NR3C2: variants seen among roughly 807,000 people sequenced by gnomAD.
NR3C2 encodes the protein mineralocorticoid receptor.
In NR3C2, 15 loss-of-function variants were observed where a neutral mutation model predicts 86.4. That is an observed-to-expected ratio of 0.17 (90% confidence interval 0.12 to 0.27). The LOEUF is 0.27. Ranked by LOEUF, NR3C2 falls within the 10% of genes least tolerant of loss-of-function variation. The pLI is 1.00. For missense variants in NR3C2, 960 were observed against 1,195.6 expected, an observed-to-expected ratio of 0.80 and a Z score of 2.91; for synonymous variants, 458 against 450.5, an observed-to-expected ratio of 1.02 and a Z score of -0.21.
Position 148,078,873 on chromosome 4 carries a change from C to T in NR3C2, c.*2471G>A, listed in dbSNP as rs2871. On this transcript the variant is annotated 3_prime_UTR_variant, in exon 9 of 9. Coordinates refer to ENST00000358102, the MANE Select transcript of NR3C2 (RefSeq NM_000901.5). ...TTCATTTTAAACTAATTTAGTGTTTCTTTAAATTATATGAACTTTTGGTGA... is the reference window on the plus strand; with the variant it reads ...TTCATTTTAAACTAATTTAGTGTTTTTTTAAATTATATGAACTTTTGGTGA... 103,338 of 152,572 alleles carry T rather than the reference C, an allele frequency of 0.68. 35,183 individuals are homozygous for T. The highest frequency in any genetic ancestry group is 0.83 in the East Asian group (4,288 of 5,182). 9.5% of individuals were successfully genotyped at this position (152,572 alleles called of 1,614,324 possible).
intron 2 of NR3C2, among the ~76,000 whole-genome samples, chr4:148,318,077 C>G (rs1242937688): frequency 2.1e-5 from 3 of 145,718 alleles, no homozygotes; most frequent in Non-Finnish European, 1.5e-5. Flanking sequence ...TTCCTGTGTC[C>G]ATGTGATCTT....
At chr4:148,430,184 C>T (rs750284111) in intron 2 of NR3C2, among the ~76,000 whole-genome samples, 2 of 152,016 alleles carry the variant, frequency 1.3e-5, no homozygotes, top group Non-Finnish European at 2.9e-5. Flanking sequence ...AGTCTAAGTC[C>T]GTAGTATGTC....
chr4:148,338,504 A>G (rs777786576), intron 2 of NR3C2, among the ~76,000 whole-genome samples: 18 of 152,230 alleles, frequency 1.2e-4, no homozygotes, highest in Non-Finnish European at 2.6e-4. Flanking sequence ...CCAATGATTT[A>G]TCTAGGATTG....
At chr4:148,388,391 T>C (rs1368522410) in intron 2 of NR3C2, among the ~76,000 whole-genome samples, 1 of 152,202 alleles carries the variant, frequency 6.6e-6, no homozygotes, top group Non-Finnish European at 1.5e-5. Flanking sequence ...GGGCGTCACA[T>C]TGGCGCTCAA....
chr4:148,079,873 T>C lies in NR3C2; in HGVS notation c.*1471A>G, dbSNP rs1423652712. On this transcript the variant is annotated 3_prime_UTR_variant, in exon 9 of 9. Coordinates refer to ENST00000358102, the MANE Select transcript of NR3C2 (RefSeq NM_000901.5). The stretch of plus-strand genomic sequence containing the variant: ...GCCGTCCCAGCGCATCCTGCCATGA[T>C]CTGTGCGTTCCTGTGACCGGTTCCA... 1 of 152,534 alleles carries C rather than the reference T, an allele frequency of 6.6e-6. No individual in the cohort carries two copies. The highest frequency in any genetic ancestry group is 1.5e-5 in the Non-Finnish European group (1 of 68,038). The allele number at this position is 152,534 out of a possible 1,614,324, so 9.4% of individuals were successfully genotyped here. A position where few individuals can be genotyped will look rare whatever the true frequency, so the allele number is the denominator to read the frequency against.
intron 4 of NR3C2, among the ~76,000 whole-genome samples, chr4:148,174,523 C>T (rs959637269): frequency 6.6e-6 from 1 of 152,200 alleles, no homozygotes; most frequent in Non-Finnish European, 1.5e-5. Flanking sequence ...TTCTGTCTGA[C>T]TGTACTGATG....
At chr4:148,161,337 G>C (rs1734650118) in intron 4 of NR3C2, among the ~76,000 whole-genome samples, 1 of 151,944 alleles carries the variant, frequency 6.6e-6, no homozygotes, top group African/African-American at 2.4e-5. Context: ...CCAAATGAGT[G>C]AGTACCCATA....
At chr4:148,388,386 T>C (rs1747374483) in intron 2 of NR3C2, among the ~76,000 whole-genome samples, 1 of 152,192 alleles carries the variant, frequency 6.6e-6, no homozygotes, top group African/African-American at 2.4e-5. Context: ...CCCTTGGGCG[T>C]CACATTGGCG....
At chr4:148,336,087 A>G (rs1744473217) in intron 2 of NR3C2, among the ~76,000 whole-genome samples, 1 of 152,142 alleles carries the variant, frequency 6.6e-6, no homozygotes, top group Non-Finnish European at 1.5e-5. Flanking sequence ...AGTGTCTCAG[A>G]GAGTCAGAGA....
At chr4:148,218,161 A>AT (rs1441554433) in intron 3 of NR3C2, among the ~76,000 whole-genome samples, 3 of 152,260 alleles carry the variant, frequency 2.0e-5, no homozygotes, top group Non-Finnish European at 2.9e-5. Context: ...TGAATTTGCT[A>AT]TAAGTCTAAG....
chr4:148,267,815 CAT>C (rs1740474863), intron 2 of NR3C2, among the ~76,000 whole-genome samples: 2 of 152,166 alleles, frequency 1.3e-5, no homozygotes, highest in African/African-American at 2.4e-5. Flanking sequence ...ATTTAACAAA[CAT>C]AAATCAACCT....
At chr4:148,126,530 A>T (rs918485721) in intron 6 of NR3C2, among the ~76,000 whole-genome samples, 1 of 152,250 alleles carries the variant, frequency 6.6e-6, no homozygotes, top group African/African-American at 2.4e-5. Flanking sequence ...ACTTGCCTAG[A>T]GTAGAACATG....
chr4:148,267,183 T>A (rs1235765908), intron 2 of NR3C2, among the ~76,000 whole-genome samples: 1 of 152,242 alleles, frequency 6.6e-6, no homozygotes, highest in Non-Finnish European at 1.5e-5. Flanking sequence ...CACGACTCAG[T>A]ATATTCAAGA....
At chr4:148,316,248 T>C (rs552159779) in intron 2 of NR3C2, among the ~76,000 whole-genome samples, 3 of 152,292 alleles carry the variant, frequency 2.0e-5, no homozygotes, top group African/African-American at 7.2e-5. Context: ...GAAATACATA[T>C]AATATAGTGG....
In NR3C2 at chr4:148,078,782, T is replaced by C. The variant is rs1730406423; in HGVS notation, c.*2562A>G. The C allele has an allele frequency of 6.6e-6, 1 of 152,666 alleles. No homozygotes were observed. Among genetic ancestry groups the C allele is most frequent in the South Asian group, 2.1e-4 (1 of 4,828 alleles). 9.5% of individuals were successfully genotyped at this position (152,666 alleles called of 1,614,324 possible). A position where few individuals can be genotyped will look rare whatever the true frequency, so the allele number is the denominator to read the frequency against. On this transcript the variant is annotated 3_prime_UTR_variant, in exon 9 of 9. Transcript: ENST00000358102. ...CAACAGGTGATTAAAGTAAAGGATT[T>C]ATTGTAATCTGCTTACAGTCCTTTG...
intron 2 of NR3C2, among the ~76,000 whole-genome samples, chr4:148,287,891 T>C (rs1741606201): frequency 6.6e-6 from 1 of 152,150 alleles, no homozygotes; most frequent in African/African-American, 2.4e-5. Context: ...CATGCTAAAG[T>C]AGATAGTAGA....
chr4:148,128,686 T>C (rs756059783), intron 6 of NR3C2, among the ~76,000 whole-genome samples: 5 of 149,112 alleles, frequency 3.4e-5, no homozygotes, highest in African/African-American at 5.0e-5. Flanking sequence ...AAGGGCTCAG[T>C]TGAGTTCACC....
intron 2 of NR3C2, among the ~76,000 whole-genome samples, chr4:148,375,089 G>T (rs921231875): frequency 1.3e-5 from 2 of 152,022 alleles, no homozygotes; most frequent in African/African-American, 4.8e-5. Flanking sequence ...TTGATGTTTT[G>T]AAAAAATAAT....
At chr4:148,313,310 C>T (rs996863568) in intron 2 of NR3C2, among the ~76,000 whole-genome samples, 11 of 152,102 alleles carry the variant, frequency 7.2e-5, no homozygotes, top group Non-Finnish European at 1.2e-4. Context: ...GTCCATTGCA[C>T]TCAGTACAAG....
Sources: gnomAD v4.1 joint callset for allele counts (sites outside exome capture counted in the v4.1 genomes callset) on GRCh38, gnomAD v4.1.1 for gene constraint, MANE v1.5 for transcripts, NCBI Gene and HGNC (gene_info 2026-07-23, HGNC 2026-07-21) for gene names.